The following CUL9 variants were observed in gnomAD, a reference collection of about 807,000 sequenced individuals.
The protein encoded by CUL9 is cullin 9.
Under a neutral mutation model 272.6 loss-of-function variants are expected in CUL9, and 79 were observed. That is an observed-to-expected ratio of 0.29 (90% CI 0.24 to 0.35). The LOEUF (loss-of-function observed/expected upper bound fraction) is 0.35. Among genes scored for constraint, CUL9 ranks in the 10% least tolerant of loss-of-function variants. CUL9 has a pLI of 1.00. For missense variants in CUL9, 2,532 were observed against 3,255.6 expected (o/e 0.78, Z 5.41); for synonymous variants, 1,186 against 1,286.5 (o/e 0.92, Z 1.67).
In CUL9 at chr6:43,196,064, C is replaced by A. The variant is rs760452834; in HGVS notation, c.2389-5C>A. ...CCTCACTCTGCTTTCACATCCCCCT[C>A]ACAGGCACTGAAGATGCTGGCCGTC... On this transcript the variant is annotated splice_polypyrimidine_tract_variant and splice_region_variant and intron_variant, in intron 9 of 40. Transcript: ENST00000252050. The A allele has an allele frequency of 6.1e-5, 98 of 1,609,248 alleles. No homozygotes were observed. The highest frequency in any genetic ancestry group is 8.2e-5 in the Non-Finnish European group (96 of 1,176,710).
intron 26 of CUL9, among the ~76,000 whole-genome samples, chr6:43,212,521 T>A (rs1320471945): frequency 6.6e-6 from 1 of 152,224 alleles, no homozygotes; most frequent in Non-Finnish European, 1.5e-5. Flanking sequence ...CAATTATTTT[T>A]AACTCATTTT....
Position 43,185,578 on chromosome 6 carries a change from T to G in CUL9, c.718T>G (p.Cys240Gly). ...AGAAACCACATCCTCTGAAGAACAC[T>G]GCATGGCCTTTGAGGGCATTCATCT... ...FAETTSSEEH[C>G]MAFEGIHLPQ... The change falls in exon 3 of 41, where the codon TGC (cysteine) becomes GGC (glycine). Residue 240 changes from cysteine to glycine, a missense_variant. Cys to Gly is a radical substitution (Grantham distance 159). Coordinates refer to ENST00000252050, the MANE Select transcript of CUL9 (RefSeq NM_015089.4). 1.9e-6 allele frequency: 3 copies of G among 1,613,404 alleles called. No homozygotes were observed. Among genetic ancestry groups the G allele is most frequent in the Non-Finnish European group, 1.7e-6 (2 of 1,180,020 alleles).
intron 16 of CUL9, 57 bp from the exon 17 acceptor site, chr6:43,202,659 A>G (rs775795640): frequency 2.6e-5 from 39 of 1,477,272 alleles, no homozygotes; most frequent in Middle Eastern, 3.4e-4. Context: ...GGGATTACAG[A>G]TGTGAGCCAC....
chr6:43,218,395 T>G lies in CUL9; in HGVS notation c.6282+1892T>G, dbSNP rs1050994417. Among the ~76,000 whole-genome samples the G allele has an allele frequency of 1.3e-5, 2 of 151,744 alleles. No individual in the cohort carries two copies. Among genetic ancestry groups the G allele is most frequent in the African/African-American group, 4.8e-5 (2 of 41,394 alleles). Reference sequence around the variant, plus strand: ...CCGCGCCCGGCTAATTTTTTGCATTTTTAGTAGAGACGGGGTTTCACTGTG... The same window carrying G: ...CCGCGCCCGGCTAATTTTTTGCATTGTTAGTAGAGACGGGGTTTCACTGTG... On this transcript the variant is annotated intron_variant, in intron 31 of 40. Transcript: ENST00000252050. This position sits in a 1 kb window ranked among gnomAD's most constrained non-coding sequence, Gnocchi z 4.4.
chr6:43,187,521 A>G, intron 6 of CUL9, 82 bp downstream of exon 6: 4 of 1,456,140 alleles, frequency 2.7e-6, no homozygotes, highest in Non-Finnish European at 3.8e-6. Flanking sequence ...GATAGGGGTT[A>G]CCGCTTAGGG....
rs1774293395 is a variant in CUL9, at chr6:43,199,093, T to C, written c.3051-173T>C. 6.6e-6 allele frequency among the ~76,000 whole-genome samples: 1 copy of C among 152,124 alleles called. No homozygotes were observed. Among genetic ancestry groups the C allele is most frequent in the Non-Finnish European group, 1.5e-5 (1 of 68,010 alleles). On this transcript the variant is annotated intron_variant, in intron 12 of 40. Coordinates refer to ENST00000252050, the MANE Select transcript of CUL9 (RefSeq NM_015089.4). This position sits in a 1 kb window ranked among gnomAD's most constrained non-coding sequence, Gnocchi z 4.4. The stretch of plus-strand genomic sequence containing the variant: ...CTGGGATTGCAGGCATGTGCCACCA[T>C]GCCCAGCTAATTTTGTATTTTTAGT...
chr6:43,196,051 T>G lies in CUL9; in HGVS notation c.2389-18T>G. On this transcript the variant is annotated intron_variant, in intron 9 of 40. Coordinates refer to ENST00000252050, the MANE Select transcript of CUL9 (RefSeq NM_015089.4). ...GACTCTGCCCCCTCCTCACTCTGCTTTCACATCCCCCTCACAGGCACTGAA... is the reference window on the plus strand; with the variant it reads ...GACTCTGCCCCCTCCTCACTCTGCTGTCACATCCCCCTCACAGGCACTGAA... 2.5e-6 allele frequency: 4 copies of G among 1,602,578 alleles called. No individual in the cohort carries two copies. Among genetic ancestry groups the G allele is most frequent in the Non-Finnish European group, 3.4e-6 (4 of 1,172,084 alleles).
rs1242144457 is a variant in CUL9 at position 43,204,389 on chromosome 6, C to T, written c.4189C>T (p.Leu1397=). The change falls in exon 21 of 41, where the codon CTG becomes TTG. Residue 1397 remains leucine (L), a synonymous_variant. Transcript: ENST00000252050. ...GGAAGGCGTGAGTGCCCTGGGATGG[C>T]TGCTGGATCAGTACTTAGAACAGAG... is the stretch of plus-strand genomic sequence containing the variant. ...DAEGVSALGW[L]LDQYLEQRET... is the part of the protein sequence containing the mutation. The T allele has an allele frequency of 6.2e-7, 1 of 1,614,162 alleles. No homozygotes were observed. The highest frequency in any genetic ancestry group is 1.3e-5 in the African/African-American group (1 of 75,046).
chr6:43,219,176 G>A (rs1183722160), intron 31 of CUL9, among the ~76,000 whole-genome samples: 3 of 151,780 alleles, frequency 2.0e-5, no homozygotes, highest in South Asian at 2.1e-4. Context: ...GTGACAAAGC[G>A]AGACTTTGTT....
chr6:43,224,101 C>T lies in CUL9; in HGVS notation c.7291C>T (p.Arg2431Trp), dbSNP rs1280650590. ...AILQHSAQDF[R>W]VGLQSPSVEA... ...CCTTCTGTCTGCTCACCAGGATTTC[C>T]GGGTTGGTCTTCAGAGTCCATCAGT... The change falls in exon 40 of 41, where the codon CGG becomes TGG. Residue 2431 changes from arginine (R) to tryptophan (W), a missense_variant. Around this residue, in one of 3 missense-constraint regions of CUL9, gnomAD observed 237 missense variants for 305.9 expected, o/e 0.77. Coordinates refer to ENST00000252050, the MANE Select transcript of CUL9 (RefSeq NM_015089.4). This position sits in a 1 kb window ranked among gnomAD's most constrained non-coding sequence, Gnocchi z 4.2. 1.8e-5 allele frequency: 29 copies of T among 1,614,044 alleles called. No homozygotes were observed. The highest frequency in any genetic ancestry group is 6.7e-5 in the African/African-American group (5 of 74,914).
chr6:43,202,373 C>T (rs1296734084), intron 16 of CUL9, among the ~76,000 whole-genome samples: 1 of 152,102 alleles, frequency 6.6e-6, no homozygotes, highest in Non-Finnish European at 1.5e-5. Context: ...TATTAATTTT[C>T]AGTTGAAACT....
intron 26 of CUL9, among the ~76,000 whole-genome samples, chr6:43,211,714 A>G (rs1300811794): frequency 1.3e-5 from 2 of 152,154 alleles, no homozygotes; most frequent in Non-Finnish European, 2.9e-5. Flanking sequence ...CTAAACTCCA[A>G]CATATATCAG....
chr6:43,198,478 T>C (rs1774209025), intron 11 of CUL9, 131 bp from the exon 12 acceptor site: 2 of 1,502,950 alleles, frequency 1.3e-6, no homozygotes, highest in Admixed American at 4.5e-5. Flanking sequence ...CATAGTTTGG[T>C]TAAAAACTAT....
rs777936792 is a variant in CUL9 at position 43,188,127 on chromosome 6, G to A, written c.1987+9G>A. 1.9e-6 allele frequency: 3 copies of A among 1,613,306 alleles called. No individual in the cohort carries two copies. Among genetic ancestry groups the A allele is most frequent in the Middle Eastern group, 1.6e-4 (1 of 6,062 alleles). ...GAAGGAGGCAGCCAGTGGTGAGTCAGGTTCTGGGAGGAAGCAATTGGAACA... is the reference window on the plus strand; with the variant it reads ...GAAGGAGGCAGCCAGTGGTGAGTCAAGTTCTGGGAGGAAGCAATTGGAACA... On this transcript the variant is annotated intron_variant, in intron 7 of 40. Transcript: ENST00000252050.
At position 43,202,803 on chromosome 6, in the gene CUL9, C is replaced by T. The variant is rs373927467; in HGVS notation, c.3735C>T (p.Ile1245=). The change falls in exon 17 of 41, where the codon ATC becomes ATT. Residue 1245 remains isoleucine (I), a synonymous_variant. Transcript: ENST00000252050. The stretch of plus-strand genomic sequence containing the variant: ...TTGGGGGTGACAGCACCAGCTGCAT[C>T]GGCACTGAGCTCAACACGGTGGGGA... ...VVFGGDSTSC[I]GTELNTVNVM... 25 of 1,613,950 alleles carry T rather than the reference C, an allele frequency of 1.5e-5. No individual in the cohort carries two copies. The highest frequency in any genetic ancestry group is 1.2e-4 in the Admixed American group (7 of 59,990).
intron 26 of CUL9, chr6:43,212,689 T>C (rs1411508154): frequency 6.5e-6 from 1 of 152,898 alleles, no homozygotes; most frequent in African/African-American, 2.4e-5. Flanking sequence ...AATTGTCCCA[T>C]CTTTGGTAAG....
intron 1 of CUL9, among the ~76,000 whole-genome samples, chr6:43,183,113 G>A (rs1353517849): frequency 6.6e-6 from 1 of 152,208 alleles, no homozygotes; most frequent in Non-Finnish European, 1.5e-5. Flanking sequence ...TCCAAACTAT[G>A]CAGACAGTGA....
intron 26 of CUL9, 170 bp from the exon 27 acceptor site, chr6:43,212,979 G>C: frequency 1.4e-6 from 1 of 711,102 alleles, no homozygotes. Context: ...CAGGGAGGCA[G>C]GCGCAGGGAA....
chr6:43,189,915 C>T (rs957824220), intron 8 of CUL9, among the ~76,000 whole-genome samples: 5 of 152,310 alleles, frequency 3.3e-5, no homozygotes, highest in African/African-American at 1.2e-4. Context: ...TATCAGTCTA[C>T]TATATCCTAC....
Sources: allele counts gnomAD v4.1 joint callset (sites outside exome capture counted in the v4.1 genomes callset), GRCh38; gene constraint gnomAD v4.1.1; regional missense constraint gnomAD v4.1.1; non-coding constraint Gnocchi (gnomAD v3.1); transcripts MANE v1.5; gene names NCBI Gene and HGNC (gene_info 2026-07-23, HGNC 2026-07-21).